Variants in DCDC2 observed in about 807,000 individuals in gnomAD.
DCDC2 encodes doublecortin domain containing 2, also known as doublecortin domain-containing protein 2.
Under a neutral mutation model 50.2 loss-of-function variants are expected in DCDC2, and 40 were observed. The observed-to-expected ratio is 0.80, with a 90% CI of 0.62 to 1.04. The LOEUF is 1.04. DCDC2 is among the 50% of genes least tolerant of loss of function. The pLI, the probability that DCDC2 is intolerant of heterozygous loss-of-function variation, is 0.00. For synonymous variants in DCDC2, 234 were observed against 210.6 expected (o/e 1.11, Z -0.96); for missense variants, 570 against 581.9 (o/e 0.98, Z 0.21).
At chr6:24,353,271 C>G (rs1760405023) in intron 2 of DCDC2, 2 of 491,892 alleles carry the variant, frequency 4.1e-6, no homozygotes, top group African/African-American at 3.9e-5. Context: ...TCAGAATCTT[C>G]TCACTTGACA....
At chr6:24,217,565 T>C (rs1311091400) in intron 7 of DCDC2, among the ~76,000 whole-genome samples, 2 of 152,226 alleles carry the variant, frequency 1.3e-5, no homozygotes, top group Admixed American at 1.3e-4. Flanking sequence ...TCAGTCATCC[T>C]GAATAAAGGG....
intron 2 of DCDC2, among the ~76,000 whole-genome samples, chr6:24,335,776 G>C (rs1487740415): frequency 1.3e-5 from 2 of 152,150 alleles, no homozygotes; most frequent in Non-Finnish European, 2.9e-5. Flanking sequence ...GCAAGAGCAA[G>C]GAAAACTGCC....
intron 7 of DCDC2, among the ~76,000 whole-genome samples, chr6:24,229,210 G>A (rs1762291347): frequency 1.3e-5 from 2 of 152,186 alleles, no homozygotes; most frequent in South Asian, 4.1e-4. Context: ...GCAGGACTAT[G>A]TTCCTTCTGG....
In DCDC2 at chr6:24,286,038, C is replaced by T. The variant is rs562187265; in HGVS notation, c.759+2814G>A. ...CCCTAAATTCATGAGTTTTATTTAGCTTTATAGTTGCTCTGATATTGTTTT... is the reference window on the plus strand; with the variant it reads ...CCCTAAATTCATGAGTTTTATTTAGTTTTATAGTTGCTCTGATATTGTTTT... On this transcript the variant is annotated intron_variant, in intron 6 of 9. Coordinates refer to ENST00000378454, the MANE Select transcript of DCDC2 (RefSeq NM_016356.5). 5.9e-5 allele frequency among the ~76,000 whole-genome samples: 9 copies of T among 152,260 alleles called. No homozygotes were observed. The South Asian group carries it at 1.9e-3, about 32-fold the overall frequency.
chr6:24,326,695 T>C (rs1759874798), intron 2 of DCDC2, among the ~76,000 whole-genome samples: 1 of 148,230 alleles, frequency 6.7e-6, no homozygotes, highest in Admixed American at 6.8e-5. Flanking sequence ...CCGTCTCTAC[T>C]AAAAGTGCAA....
At chr6:24,242,151 G>A (rs540002898) in intron 7 of DCDC2, among the ~76,000 whole-genome samples, 51 of 152,286 alleles carry the variant, frequency 3.3e-4, no homozygotes, top group Non-Finnish European at 5.3e-4. Context: ...TCCAGCCTAG[G>A]TGACAGAGTA....
intron 6 of DCDC2, among the ~76,000 whole-genome samples, chr6:24,285,501 G>A (rs72830865): frequency 2.0e-5 from 3 of 151,920 alleles, no homozygotes; most frequent in Admixed American, 6.5e-5. Flanking sequence ...AGTAGACCAC[G>A]AGTATCAGAG....
At chr6:24,245,291 G>A (rs1007120025) in intron 7 of DCDC2, among the ~76,000 whole-genome samples, 3 of 152,132 alleles carry the variant, frequency 2.0e-5, no homozygotes, top group Non-Finnish European at 2.9e-5. Context: ...TGGGAGCTAG[G>A]ATTTTAAGGT....
At position 24,191,884 on chromosome 6, in the gene DCDC2, C is replaced by T. The variant is rs367830577; in HGVS notation, c.1023+13118G>A. ...GGATGTGGGGCAAATGGATGGATGA[C>T]AGCAGACCTGAGGAAGCTAAAATGT... is the stretch of plus-strand genomic sequence containing the variant. On this transcript the variant is annotated intron_variant, in intron 8 of 9. Transcript: ENST00000378454. 8.9e-4 allele frequency among the ~76,000 whole-genome samples: 136 copies of T among 152,258 alleles called. No individual in the cohort carries two copies. The South Asian group carries it at 0.027, about 30-fold the overall frequency.
chr6:24,372,148 G>A, the DCDC2 span, among the ~76,000 whole-genome samples: 11 of 152,166 alleles, frequency 7.2e-5, no homozygotes, highest in Non-Finnish European at 1.2e-4. Context: ...TAGGCCGGGC[G>A]CGGTGGCTCA....
At chr6:24,193,476 A>G (rs892052521) in intron 8 of DCDC2, among the ~76,000 whole-genome samples, 2 of 152,206 alleles carry the variant, frequency 1.3e-5, no homozygotes, top group Non-Finnish European at 2.9e-5. Flanking sequence ...CACTGAATGT[A>G]TGTGAATGTA....
chr6:24,291,007 A>G lies in DCDC2; in HGVS notation c.629T>C (p.Val210Ala), dbSNP rs772930898. 6.2e-7 allele frequency: 1 copy of G among 1,614,080 alleles called. No homozygotes were observed. The highest frequency in any genetic ancestry group is 1.3e-5 in the African/African-American group (1 of 75,058). Residue 210 changes from valine to alanine, a missense_variant, in exon 5 of 10, where the codon GTT becomes GCT. By Grantham distance (64) the Val-to-Ala change is moderately conservative. Transcript: ENST00000378454. ...ELENGQFYVAVGRDKFKKLPY... is the reference protein window; with the variant it reads ...ELENGQFYVAAGRDKFKKLPY... Reference sequence around the variant, plus strand: ...CAGTTTCTTAAACTTATCTCTGCCAACAGCCACATAAAACTGCCCATTCTC... The same window carrying G: ...CAGTTTCTTAAACTTATCTCTGCCAGCAGCCACATAAAACTGCCCATTCTC...
chr6:24,368,420 A>G, the DCDC2 span, among the ~76,000 whole-genome samples: 1 of 152,202 alleles, frequency 6.6e-6, no homozygotes, highest in Non-Finnish European at 1.5e-5. Flanking sequence ...GATACAAAAT[A>G]GGCACATAAC....
chr6:24,354,080 G>T (rs1383809780), intron 1 of DCDC2, among the ~76,000 whole-genome samples: 2 of 152,142 alleles, frequency 1.3e-5, no homozygotes, highest in East Asian at 3.9e-4. Context: ...GCACCTTAAT[G>T]ATACAAAAAC....
At chr6:24,340,598 T>C (rs1027208712) in intron 2 of DCDC2, among the ~76,000 whole-genome samples, 7 of 152,164 alleles carry the variant, frequency 4.6e-5, no homozygotes, top group African/African-American at 1.7e-4. Context: ...AATGCAAAAT[T>C]TGTAATACTG....
At chr6:24,379,880 G>T in the DCDC2 span, among the ~76,000 whole-genome samples, 2 of 152,120 alleles carry the variant, frequency 1.3e-5, no homozygotes, top group Non-Finnish European at 2.9e-5. Flanking sequence ...ATGAGTTCAT[G>T]TCCTTTGCAG....
In DCDC2 at chr6:24,285,202, G is replaced by A. The variant is rs1029549289; in HGVS notation, c.759+3650C>T. ...GACGGATGGAGTGGATGAATACAGG[G>A]TGCTACGGGAACACTGTGGAAAGAG... On this transcript the variant is annotated intron_variant, in intron 6 of 9. Transcript: ENST00000378454. Among the ~76,000 whole-genome samples the A allele has an allele frequency of 2.0e-5, 3 of 152,160 alleles. No homozygotes were observed. The South Asian group carries it at 6.2e-4, about 32-fold the overall frequency.
chr6:24,323,082 C>A (rs879583843), intron 2 of DCDC2, among the ~76,000 whole-genome samples: 1 of 152,238 alleles, frequency 6.6e-6, no homozygotes, highest in Non-Finnish European at 1.5e-5. Context: ...TGGTAGCTCA[C>A]ACCTATAATC....
chr6:24,220,919 C>CGAGCGAGCGAGAGAGTGAGCGAGT (rs1561895651), intron 7 of DCDC2, among the ~76,000 whole-genome samples: 1 of 43,608 alleles, frequency 2.3e-5, no homozygotes, highest in African/African-American at 6.1e-5. Context: ...AGTGAGCGAG[C>CGAGCGAGCGAGAGAGTGAGCGAGT]GAGCGAGAGC....
Sources: allele counts gnomAD v4.1 joint callset (sites outside exome capture counted in the v4.1 genomes callset), GRCh38; gene constraint gnomAD v4.1.1; transcripts MANE v1.5; gene names NCBI Gene and HGNC (gene_info 2026-07-23, HGNC 2026-07-21).